Variants in CACNB4 observed in about 807,000 individuals in gnomAD.
The protein encoded by CACNB4 is voltage-dependent L-type calcium channel subunit beta-4.
In CACNB4, 32 loss-of-function variants were observed where a neutral mutation model predicts 71.2. That is an observed-to-expected ratio of 0.45 (90% CI 0.34 to 0.60). The LOEUF (loss-of-function observed/expected upper bound fraction) is 0.60. Among genes scored for constraint, CACNB4 ranks in the 20% least tolerant of loss-of-function variants. CACNB4 has a pLI of 0.01. For synonymous variants in CACNB4, 231 were observed against 236.9 expected (o/e 0.97, Z 0.23); for missense variants, 464 against 647.9 (o/e 0.72, Z 3.08).
chr2:151,904,099 G>T (rs1457882374), intron 2 of CACNB4, among the ~76,000 whole-genome samples: 1 of 152,140 alleles, frequency 6.6e-6, no homozygotes, highest in Non-Finnish European at 1.5e-5. Flanking sequence ...AGAAAAAAAC[G>T]CTTGCCTCCA....
intron 12 of CACNB4, chr2:151,850,141 C>CTTTCTTTTTTTTTTTTTTTTT (rs1553744905): frequency 3.1e-5 from 3 of 98,160 alleles, no homozygotes; most frequent in East Asian, 3.9e-4. Context: ...TTCTTTCTTT[C>CTTTCTTTTTTTTTTTTTTTTT]TTTTTTTTTT....
chr2:151,984,276 A>G (rs938590802), intron 2 of CACNB4, among the ~76,000 whole-genome samples: 5 of 152,194 alleles, frequency 3.3e-5, no homozygotes, highest in African/African-American at 1.2e-4. Context: ...AAATTCATAA[A>G]TACATTGTTA....
intron 2 of CACNB4, among the ~76,000 whole-genome samples, chr2:152,040,516 A>G (rs557269588): frequency 6.6e-6 from 1 of 152,194 alleles, no homozygotes; most frequent in South Asian, 2.1e-4. Flanking sequence ...TTCTCGGCTC[A>G]CTGCAACCTC....
intron 2 of CACNB4, among the ~76,000 whole-genome samples, chr2:151,925,640 T>C (rs547377028): frequency 2.4e-4 from 36 of 151,132 alleles, no homozygotes; most frequent in Non-Finnish European, 4.6e-4. Flanking sequence ...GGTGGATAGG[T>C]TGTTTGTAGG....
chr2:152,076,553 G>A (rs998658090), intron 2 of CACNB4, among the ~76,000 whole-genome samples: 8 of 152,042 alleles, frequency 5.3e-5, no homozygotes, highest in Non-Finnish European at 8.8e-5. Context: ...ATAGTTTCAG[G>A]TAAACTCCAA....
At chr2:151,867,118 G>A (rs1397553236) in intron 9 of CACNB4, 2 of 152,184 alleles carry the variant, frequency 1.3e-5, no homozygotes, top group Non-Finnish European at 2.9e-5. Context: ...ACTGTCTTAT[G>A]GGATGGGATT....
chr2:151,839,505 G>A, intron 13 of CACNB4, 126 bp from the exon 14 acceptor site: 7 of 716,364 alleles, frequency 9.8e-6, no homozygotes, highest in South Asian at 8.9e-5. Flanking sequence ...AAGGCATCCT[G>A]ATGCACCAAT....
chr2:152,098,849 G>T lies in CACNB4; in HGVS notation c.63+100C>A. 9.2e-7 allele frequency: 1 copy of T among 1,084,764 alleles called. No homozygotes were observed. The highest frequency in any genetic ancestry group is 2.9e-5 in the Admixed American group (1 of 34,396). The allele number at this position is 1,084,764 out of a possible 1,614,324, so 67.2% of individuals were successfully genotyped here. Reference sequence around the variant, plus strand: ...GGGGCCGCCGACTCCCGGGACTGGGGCCCCGCACGCCCGGCACGAAGGCGG... The same window carrying T: ...GGGGCCGCCGACTCCCGGGACTGGGTCCCCGCACGCCCGGCACGAAGGCGG... On this transcript the variant is annotated intron_variant, in intron 1 of 13. Transcript: ENST00000539935. This position sits in a 1 kb window ranked among gnomAD's most constrained non-coding sequence, Gnocchi z 5.3.
chr2:152,038,301 C>T (rs1019047859), intron 2 of CACNB4, among the ~76,000 whole-genome samples: 2 of 152,184 alleles, frequency 1.3e-5, no homozygotes, highest in Middle Eastern at 3.2e-3. Context: ...TTGCTGAGAA[C>T]CACGCAACAG....
chr2:151,920,780 C>T lies in CACNB4; in HGVS notation c.148-37410G>A, dbSNP rs549560939. The stretch of plus-strand genomic sequence containing the variant: ...TGACAAGTAAGACAGTGTTAAGTGG[C>T]AAGGTCATAATGTATCTTCAGGATT... On this transcript the variant is annotated intron_variant, in intron 2 of 13. Coordinates refer to ENST00000539935, the MANE Select transcript of CACNB4 (RefSeq NM_000726.5). Among the ~76,000 whole-genome samples the T allele has an allele frequency of 1.6e-4, 24 of 152,224 alleles. 1 individual carries two copies. The South Asian group carries it at 4.8e-3, about 30-fold the overall frequency.
intron 2 of CACNB4, among the ~76,000 whole-genome samples, chr2:151,931,018 T>A (rs922452151): frequency 6.6e-6 from 1 of 152,222 alleles, no homozygotes; most frequent in African/African-American, 2.4e-5. Context: ...TTTGTTTTTA[T>A]CATGATCTTT....
intron 2 of CACNB4, among the ~76,000 whole-genome samples, chr2:152,017,914 C>A (rs1317980791): frequency 6.6e-6 from 1 of 151,616 alleles, no homozygotes; most frequent in African/African-American, 2.4e-5. Context: ...CTCACTGCAA[C>A]CTCTGCCTCC....
intron 2 of CACNB4, among the ~76,000 whole-genome samples, chr2:152,082,027 C>T (rs1560187396): frequency 6.6e-6 from 1 of 152,204 alleles, no homozygotes; most frequent in Non-Finnish European, 1.5e-5. Context: ...GCCCCATTAG[C>T]TACTTGTTCT....
rs893123169 is a variant in CACNB4, at chr2:151,839,445, A to G, written c.1303-66T>C. On this transcript the variant is annotated intron_variant, in intron 13 of 13. Transcript: ENST00000539935. ...TTCATTCATCTAAACATGTAAATGT[A>G]TGTAAAATCATAGGATCTGTACAAT... 24 of 1,260,646 alleles carry G rather than the reference A, an allele frequency of 1.9e-5. No individual in the cohort carries two copies. The East Asian group carries it at 4.9e-4, about 26-fold the overall frequency. The allele number at this position is 1,260,646 out of a possible 1,614,324, so 78.1% of individuals were successfully genotyped here. A position where few individuals can be genotyped will look rare whatever the true frequency, so the allele number is the denominator to read the frequency against.
At chr2:151,888,813 G>C (rs1043016357) in intron 2 of CACNB4, among the ~76,000 whole-genome samples, 1 of 152,034 alleles carries the variant, frequency 6.6e-6, no homozygotes, top group Non-Finnish European at 1.5e-5. Context: ...ATAGATTTGG[G>C]AATCAATAAG....
chr2:151,920,902 G>A (rs1422206832), intron 2 of CACNB4, among the ~76,000 whole-genome samples: 1 of 152,042 alleles, frequency 6.6e-6, no homozygotes, highest in Admixed American at 6.6e-5. Context: ...ACTTTGGGAG[G>A]CCAAGGCGGA....
In CACNB4 at chr2:152,098,820, G is replaced by A. The variant is rs1688433683; in HGVS notation, c.63+129C>T. The A allele has an allele frequency of 2.4e-6, 2 of 836,812 alleles. No individual in the cohort carries two copies. The highest frequency in any genetic ancestry group is 1.8e-5 in the South Asian group (1 of 56,504). The allele number at this position is 836,812 out of a possible 1,614,324, so 51.8% of individuals were successfully genotyped here. ...AAGGGACGTGGAGGAGGGGTGGGGG[G>A]AGCGGGGCCGCCGACTCCCGGGACT... On this transcript the variant is annotated intron_variant, in intron 1 of 13. Coordinates refer to ENST00000539935, the MANE Select transcript of CACNB4 (RefSeq NM_000726.5). The surrounding 1 kb of genome is among the most constrained non-coding windows in gnomAD (Gnocchi z 5.3).
intron 2 of CACNB4, among the ~76,000 whole-genome samples, chr2:152,040,204 C>T (rs991754830): frequency 6.6e-6 from 1 of 152,108 alleles, no homozygotes; most frequent in African/African-American, 2.4e-5. Context: ...GAATTTTATA[C>T]ATCTGCTGAA....
chr2:152,058,283 A>C (rs1409080558), intron 2 of CACNB4, among the ~76,000 whole-genome samples: 1 of 152,232 alleles, frequency 6.6e-6, no homozygotes, highest in Non-Finnish European at 1.5e-5. Flanking sequence ...AGAGGGGGGT[A>C]CTGCTATAAA....
Sources: allele counts gnomAD v4.1 joint callset (sites outside exome capture counted in the v4.1 genomes callset), GRCh38; gene constraint gnomAD v4.1.1; non-coding constraint Gnocchi (gnomAD v3.1); transcripts MANE v1.5; gene names NCBI Gene and HGNC (gene_info 2026-07-23, HGNC 2026-07-21).